Variants in ACOT13 observed in about 807,000 individuals in gnomAD.
The protein encoded by ACOT13 is acyl-coenzyme A thioesterase 13.
In ACOT13, 10 loss-of-function variants were observed where a neutral mutation model predicts 11.8. That is an observed-to-expected ratio of 0.85 (90% CI 0.53 to 1.44). The LOEUF (loss-of-function observed/expected upper bound fraction) is 1.44. Ranked by LOEUF, ACOT13 falls within the 40% of genes most tolerant of loss-of-function variation. The pLI is 0.00. For missense variants in ACOT13, 172 were observed against 174.1 expected (o/e 0.99, Z 0.07); for synonymous variants, 53 against 61.0 (o/e 0.87, Z 0.61).
chr6:24,691,755 T>C (rs80127357), intron 1 of ACOT13, among the ~76,000 whole-genome samples: 10,313 of 152,118 alleles, frequency 0.068, 907 homozygotes, highest in African/African-American at 0.21. Context: ...GAGGGCCCCA[T>C]TAGAGAGGGT....
chr6:24,682,632 C>G (rs1190463694), intron 1 of ACOT13, among the ~76,000 whole-genome samples: 1 of 152,064 alleles, frequency 6.6e-6, no homozygotes, highest in African/African-American at 2.4e-5. Flanking sequence ...AGCGGACACC[C>G]TGCTGGATCC....
intron 1 of ACOT13, among the ~76,000 whole-genome samples, chr6:24,680,421 G>C (rs10946716): frequency 0.38 from 57,032 of 151,486 alleles, 12,103 homozygotes; most frequent in Non-Finnish European, 0.5. Flanking sequence ...GAACGTTTCC[G>C]ATCTGAAAAA....
At chr6:24,686,714 T>C (rs1412775172) in intron 1 of ACOT13, among the ~76,000 whole-genome samples, 1 of 151,780 alleles carries the variant, frequency 6.6e-6, no homozygotes, top group East Asian at 1.9e-4. Flanking sequence ...TTTCTTTTCT[T>C]TTTTCTTACA....
intron 1 of ACOT13, among the ~76,000 whole-genome samples, chr6:24,691,352 T>TA (rs1277762449): frequency 2.0e-5 from 3 of 152,166 alleles, no homozygotes; most frequent in African/African-American, 7.2e-5. Flanking sequence ...GTACTGGAGA[T>TA]ACATCAGTGA....
chr6:24,694,476 T>C (rs890731930), intron 1 of ACOT13, among the ~76,000 whole-genome samples: 1 of 152,210 alleles, frequency 6.6e-6, no homozygotes, highest in African/African-American at 2.4e-5. Flanking sequence ...TTGGCAGCAC[T>C]GAGACAGCAC....
At position 24,701,551 on chromosome 6, in the gene ACOT13, T is replaced by C; in HGVS notation, c.359T>C (p.Leu120Pro). The change falls in exon 3 of 3, where the codon CTG (leucine) becomes CCG (proline). Residue 120 changes from leucine (L) to proline (P), a missense_variant. Leu to Pro is a moderately conservative substitution (Grantham distance 98). Coordinates refer to ENST00000230048, the MANE Select transcript of ACOT13 (RefSeq NM_018473.4). ...ACACTTGCATTTACCTCTGTGGATC[T>C]GACCAACAAGGCCACAGGAAAATTA... ...GKTLAFTSVD[L>P]TNKATGKLIA... 6.2e-7 allele frequency: 1 copy of C among 1,613,878 alleles called. No homozygotes were observed. Among genetic ancestry groups the C allele is most frequent in the Admixed American group, 1.7e-5 (1 of 59,998 alleles).
chr6:24,701,450 T>G lies in ACOT13; in HGVS notation c.267-9T>G. On this transcript the variant is annotated splice_polypyrimidine_tract_variant and intron_variant, in intron 2 of 2. Coordinates refer to ENST00000230048, the MANE Select transcript of ACOT13 (RefSeq NM_018473.4). ...TATCTGCTGTTAACTATATTCATTT[T>G]CTTTCAAGGTACATGTCACCTGCAA... The G allele has an allele frequency of 1.9e-6, 3 of 1,598,640 alleles. No individual in the cohort carries two copies. Among genetic ancestry groups the G allele is most frequent in the Non-Finnish European group, 1.7e-6 (2 of 1,171,770 alleles).
In ACOT13 at chr6:24,684,855, A is replaced by T. The variant is rs191640253; in HGVS notation, c.82-13028A>T. The stretch of plus-strand genomic sequence containing the variant: ...TAGCAAGACCCCTTCTCTACAAAAA[A>T]TTAAAAATTTTCCAGGCATGATAGT... On this transcript the variant is annotated intron_variant, in intron 1 of 2. Coordinates refer to ENST00000230048, the MANE Select transcript of ACOT13 (RefSeq NM_018473.4). Among the ~76,000 whole-genome samples, 142 of 152,190 alleles carry T rather than the reference A, an allele frequency of 9.3e-4. 4 individuals are homozygous for T. In the East Asian group the frequency reaches 0.023, roughly 24 times the overall value.
chr6:24,701,365 G>A, intron 2 of ACOT13, 94 bp from the exon 3 acceptor site: 1 of 1,135,024 alleles, frequency 8.8e-7, no homozygotes, highest in Non-Finnish European at 1.2e-6. Flanking sequence ...ATTTTTAGGA[G>A]TAAAATAAGT....
rs1301431023 is a variant in ACOT13 at position 24,704,725 on chromosome 6, GTTC to G, written c.*3113_*3115del. Reference sequence around the variant, plus strand: ...AGCTGACAGTATGTTCTTGATTCCTGTTCTTGTTGAAGTTACACACTCAATTGC... The same window carrying G: ...AGCTGACAGTATGTTCTTGATTCCTGTTGTTGAAGTTACACACTCAATTGC... On this transcript the variant is annotated 3_prime_UTR_variant, in exon 3 of 3. Coordinates refer to ENST00000230048, the MANE Select transcript of ACOT13 (RefSeq NM_018473.4). 3 of 152,146 alleles carry G rather than the reference GTTC, an allele frequency of 2.0e-5. No individual in the cohort carries two copies. The highest frequency in any genetic ancestry group is 4.4e-5 in the Non-Finnish European group (3 of 68,008). 9.4% of individuals were successfully genotyped at this position (152,146 alleles called of 1,614,324 possible).
rs142046098 is a variant in ACOT13, at chr6:24,674,375, A to C, written c.81+7031A>C. On this transcript the variant is annotated intron_variant, in intron 1 of 2. Coordinates refer to ENST00000230048, the MANE Select transcript of ACOT13 (RefSeq NM_018473.4). ...CTGGCCTAAATAAGCTTTGAATTAG[A>C]CAAAACTTGTTCACCGTTTTTGGGG... Among the ~76,000 whole-genome samples, 53 of 150,162 alleles carry C rather than the reference A, an allele frequency of 3.5e-4. No individual in the cohort carries two copies. The East Asian group carries it at 0.01, about 29-fold the overall frequency.
Position 24,701,652 on chromosome 6 carries a change from A to C in ACOT13, c.*37A>C, listed in dbSNP as rs769867565. ...AATGACCTAAAGAAACCCAACAATG[A>C]ATATCAAGTATAGATTTGACTCAAA... is the stretch of plus-strand genomic sequence containing the variant. On this transcript the variant is annotated 3_prime_UTR_variant, in exon 3 of 3. Coordinates refer to ENST00000230048, the MANE Select transcript of ACOT13 (RefSeq NM_018473.4). 4.5e-6 allele frequency: 7 copies of C among 1,558,600 alleles called. No individual in the cohort carries two copies. The highest frequency in any genetic ancestry group is 6.1e-6 in the Non-Finnish European group (7 of 1,149,638).
Position 24,704,212 on chromosome 6 carries a change from T to C in ACOT13, c.*2597T>C, listed in dbSNP as rs1263441692. The C allele has an allele frequency of 3.9e-5, 6 of 152,062 alleles. No homozygotes were observed. Among genetic ancestry groups the C allele is most frequent in the African/African-American group, 1.2e-4 (5 of 41,410 alleles). The allele number at this position is 152,062 out of a possible 1,614,324, so 9.4% of individuals were successfully genotyped here. ...GCACAAAGTGTGCAACAAACTCAAA[T>C]AGCTCACAGGTATAAGTGTACAGAG... On this transcript the variant is annotated 3_prime_UTR_variant, in exon 3 of 3. Coordinates refer to ENST00000230048, the MANE Select transcript of ACOT13 (RefSeq NM_018473.4).
At chr6:24,680,443 A>G (rs2127623535) in intron 1 of ACOT13, among the ~76,000 whole-genome samples, 1 of 152,080 alleles carries the variant, frequency 6.6e-6, no homozygotes, top group Non-Finnish European at 1.5e-5. Context: ...GAACATAGGG[A>G]TGCCAGCACC....
rs769175658 is a variant in ACOT13, at chr6:24,701,542, C to CG, written c.350_351insG (p.Val118CysfsTer41). On this transcript the variant is annotated frameshift_variant, in exon 3 of 3. Coordinates refer to ENST00000230048, the MANE Select transcript of ACOT13 (RefSeq NM_018473.4). LOFTEE classifies it high-confidence loss of function. ...CAAGGAAAAACACTTGCATTTACCT[C>CG]TGTGGATCTGACCAACAAGGCCACA... The CG allele has an allele frequency of 1.9e-6, 3 of 1,614,006 alleles. No homozygotes were observed. The highest frequency in any genetic ancestry group is 2.5e-6 in the Non-Finnish European group (3 of 1,179,916).
intron 2 of ACOT13, 112 bp downstream of exon 2, chr6:24,698,179 C>G (rs758095038): frequency 1.3e-5 from 12 of 937,224 alleles, no homozygotes; most frequent in African/African-American, 1.7e-5. Context: ...AGCTGCTTAT[C>G]TCCTTAACTG....
chr6:24,699,071 A>G (rs1402722095), intron 2 of ACOT13, among the ~76,000 whole-genome samples: 1 of 152,252 alleles, frequency 6.6e-6, no homozygotes, highest in East Asian at 1.9e-4. Context: ...CCCATTCAAT[A>G]AAGAAAGAGC....
intron 1 of ACOT13, among the ~76,000 whole-genome samples, chr6:24,682,179 G>A (rs1478013789): frequency 1.3e-5 from 2 of 152,218 alleles, no homozygotes; most frequent in South Asian, 2.1e-4. Context: ...TTTTTAACTG[G>A]CTGACAGGTG....
At chr6:24,677,966 C>T (rs1294386970) in intron 1 of ACOT13, among the ~76,000 whole-genome samples, 1 of 152,152 alleles carries the variant, frequency 6.6e-6, no homozygotes, top group African/African-American at 2.4e-5. Context: ...CTTGTAGCCA[C>T]AGGTAGCAAG....
Sources: gnomAD v4.1 joint callset for allele counts (sites outside exome capture counted in the v4.1 genomes callset) on GRCh38, gnomAD v4.1.1 for gene constraint, MANE v1.5 for transcripts, NCBI Gene and HGNC (gene_info 2026-07-23, HGNC 2026-07-21) for gene names.